The following ARHGAP15 variants were observed in gnomAD, a reference collection of about 807,000 sequenced individuals.
ARHGAP15 encodes rho GTPase-activating protein 15.
ARHGAP15 carries 51 observed loss-of-function variants against 63.7 expected under a neutral mutation model. The observed-to-expected ratio is 0.80, with a 90% CI of 0.64 to 1.01. The LOEUF (loss-of-function observed/expected upper bound fraction) is 1.01, where lower values mean the gene tolerates loss of function less well. Ranked by LOEUF, ARHGAP15 falls within the 50% of genes least tolerant of loss-of-function variation. The pLI is 0.00. For missense variants in ARHGAP15, 560 were observed against 564.6 expected, an observed-to-expected ratio of 0.99 and a Z score of 0.08; for synonymous variants, 191 against 193.8, an observed-to-expected ratio of 0.99 and a Z score of 0.12.
intron 6 of ARHGAP15, among the ~76,000 whole-genome samples, chr2:143,310,784 C>T (rs1683409822): frequency 6.6e-6 from 1 of 151,890 alleles, no homozygotes; most frequent in Non-Finnish European, 1.5e-5. Flanking sequence ...TCAACTAAAA[C>T]TTTGATGTAC....
At chr2:143,479,480 CAT>C (rs1000818223) in intron 8 of ARHGAP15, among the ~76,000 whole-genome samples, 55 of 152,086 alleles carry the variant, frequency 3.6e-4, no homozygotes, top group African/African-American at 1.3e-3. Context: ...TCATGGAAAA[CAT>C]ATTTCTGCTT....
chr2:143,695,743 C>G lies in ARHGAP15; in HGVS notation c.1139-7676C>G, dbSNP rs534015734. Among the ~76,000 whole-genome samples, 32 of 152,164 alleles carry G rather than the reference C, an allele frequency of 2.1e-4. No individual in the cohort carries two copies. The East Asian group carries it at 6.0e-3, about 28-fold the overall frequency. On this transcript the variant is annotated intron_variant, in intron 12 of 13. Coordinates refer to ENST00000295095, the MANE Select transcript of ARHGAP15 (RefSeq NM_018460.4). ...ACTAGCCAGACATGGCAGTGAGTGC[C>G]TGTAGTCCCAGCTACTTGGGAGGCT... is the stretch of plus-strand genomic sequence containing the variant.
intron 13 of ARHGAP15, among the ~76,000 whole-genome samples, chr2:143,743,820 A>T (rs893760350): frequency 6.6e-5 from 10 of 152,120 alleles, no homozygotes; most frequent in Non-Finnish European, 1.0e-4. Context: ...AGTTGGAGTA[A>T]GGGGAAGAAA....
At chr2:143,484,355 G>A (rs999230773) in intron 8 of ARHGAP15, among the ~76,000 whole-genome samples, 7 of 112,318 alleles carry the variant, frequency 6.2e-5, no homozygotes, top group Non-Finnish European at 1.2e-4. Context: ...AACAGAGAGA[G>A]ACTCCATCTC....
intron 1 of ARHGAP15, among the ~76,000 whole-genome samples, chr2:143,138,841 A>G (rs1453059320): frequency 6.6e-6 from 1 of 152,174 alleles, no homozygotes; most frequent in African/African-American, 2.4e-5. Context: ...ATATTTTGGC[A>G]TTTAATCATG....
At chr2:143,619,522 C>A (rs1305329667) in intron 11 of ARHGAP15, among the ~76,000 whole-genome samples, 2 of 152,316 alleles carry the variant, frequency 1.3e-5, no homozygotes, top group East Asian at 3.9e-4. Context: ...GAAACCAGCA[C>A]AGATTGAAAG....
In ARHGAP15 at chr2:143,594,724, A is replaced by G. The variant is rs574849130; in HGVS notation, c.1004-29409A>G. ...ACAGCAGTTCTTAATGTTTTTCCCT[A>G]TGGAACATGACACATAATATTTACC... is the stretch of plus-strand genomic sequence containing the variant. On this transcript the variant is annotated intron_variant, in intron 11 of 13. Coordinates refer to ENST00000295095, the MANE Select transcript of ARHGAP15 (RefSeq NM_018460.4). Among the ~76,000 whole-genome samples, 4 of 152,330 alleles carry G rather than the reference A, an allele frequency of 2.6e-5. No homozygotes were observed. The South Asian group carries it at 6.2e-4, about 24-fold the overall frequency.
intron 6 of ARHGAP15, among the ~76,000 whole-genome samples, chr2:143,392,076 C>T (rs1395779014): frequency 1.3e-5 from 2 of 152,144 alleles, no homozygotes; most frequent in African/African-American, 4.8e-5. Context: ...CAGGGACCCA[C>T]AGAAACTTAT....
intron 11 of ARHGAP15, among the ~76,000 whole-genome samples, chr2:143,605,296 G>C (rs1404550278): frequency 6.6e-6 from 1 of 152,158 alleles, no homozygotes; most frequent in Non-Finnish European, 1.5e-5. Flanking sequence ...AGGACTTGAA[G>C]GATGGAGCTC....
intron 9 of ARHGAP15, among the ~76,000 whole-genome samples, chr2:143,501,671 A>G (rs6731065): frequency 0.27 from 40,330 of 152,166 alleles, 6,149 homozygotes; most frequent in East Asian, 0.71. Context: ...TAGTACGAGT[A>G]AATAATTTTG....
intron 5 of ARHGAP15, chr2:143,237,591 GT>G (rs1303601674): frequency 6.6e-6 from 1 of 152,142 alleles, no homozygotes; most frequent in Non-Finnish European, 1.5e-5. Context: ...CAGAACATCT[GT>G]TTAGTGTCAC....
intron 2 of ARHGAP15, among the ~76,000 whole-genome samples, chr2:143,159,297 G>C (rs1052710480): frequency 6.6e-6 from 1 of 151,872 alleles, no homozygotes; most frequent in Non-Finnish European, 1.5e-5. Flanking sequence ...TTACTTCTGT[G>C]ATTATAGGAT....
intron 13 of ARHGAP15, among the ~76,000 whole-genome samples, chr2:143,740,502 G>A (rs1255525895): frequency 6.6e-6 from 1 of 152,178 alleles, no homozygotes; most frequent in African/African-American, 2.4e-5. Flanking sequence ...AGAAATTCCT[G>A]AAATTGCAGT....
intron 1 of ARHGAP15, among the ~76,000 whole-genome samples, chr2:143,143,859 G>A (rs536146361): frequency 4.4e-4 from 66 of 151,402 alleles, no homozygotes; most frequent in African/African-American, 1.5e-3. Context: ...TTATTTAATC[G>A]CCCAGGTATT....
intron 2 of ARHGAP15, among the ~76,000 whole-genome samples, chr2:143,156,990 T>TA (rs1186224380): frequency 6.6e-6 from 1 of 151,952 alleles, no homozygotes; most frequent in Admixed American, 6.6e-5. Context: ...TAAGTATATT[T>TA]AATGATGCCT....
At chr2:143,721,780 G>A (rs1219601055) in intron 13 of ARHGAP15, among the ~76,000 whole-genome samples, 4 of 151,672 alleles carry the variant, frequency 2.6e-5, no homozygotes, top group Non-Finnish European at 4.4e-5. Flanking sequence ...TCCGCCTCCC[G>A]GGTTCAAGCA....
intron 6 of ARHGAP15, among the ~76,000 whole-genome samples, chr2:143,402,789 C>T (rs541403288): frequency 1.3e-5 from 2 of 151,994 alleles, no homozygotes; most frequent in South Asian, 2.1e-4. Context: ...ACAGAGATTC[C>T]TGGCATCTAA....
intron 8 of ARHGAP15, among the ~76,000 whole-genome samples, chr2:143,455,285 G>C (rs1690593416): frequency 6.6e-6 from 1 of 152,052 alleles, no homozygotes; most frequent in South Asian, 2.1e-4. Flanking sequence ...AAGACATTTA[G>C]CATGCTGATG....
chr2:143,519,216 A>G, intron 9 of ARHGAP15, 50 bp from the exon 10 acceptor site: 1 of 1,378,952 alleles, frequency 7.3e-7, no homozygotes, highest in Non-Finnish European at 1.0e-6. Context: ...CAAATTAAAG[A>G]ACAACGCAAG....
Sources: allele counts gnomAD v4.1 joint callset (sites outside exome capture counted in the v4.1 genomes callset), GRCh38; gene constraint gnomAD v4.1.1; transcripts MANE v1.5; gene names NCBI Gene and HGNC (gene_info 2026-07-23, HGNC 2026-07-21).